Variants in BOC observed in about 807,000 individuals in gnomAD.
The protein encoded by BOC is brother of CDO.
BOC carries 76 observed loss-of-function variants against 112.0 expected under a neutral mutation model. The observed-to-expected ratio is 0.68, with a 90% CI of 0.56 to 0.82. The LOEUF (loss-of-function observed/expected upper bound fraction) is 0.82, where lower values mean the gene tolerates loss of function less well. Among genes scored for constraint, BOC ranks in the 40% least tolerant of loss-of-function variants. The pLI is 0.00. For synonymous variants in BOC, 580 were observed against 599.8 expected, an observed-to-expected ratio of 0.97 and a Z score of 0.48; for missense variants, 1,309 against 1,511.7, an observed-to-expected ratio of 0.87 and a Z score of 2.22.
chr3:113,281,587 G>A (rs1949205754), intron 15 of BOC, among the ~76,000 whole-genome samples: 1 of 152,304 alleles, frequency 6.6e-6, no homozygotes, highest in African/African-American at 2.4e-5. Context: ...GGCCAGGATT[G>A]TCTTAACTAC....
In BOC at chr3:113,273,154, C is replaced by T. The variant is rs771454767; in HGVS notation, c.1047C>T (p.Asn349=). 11 of 1,613,724 alleles carry T rather than the reference C, an allele frequency of 6.8e-6. No individual in the cohort carries two copies. The highest frequency in any genetic ancestry group is 5.3e-5 in the African/African-American group (4 of 74,946). The change falls in exon 8 of 20, where the codon AAC becomes AAT. Residue 349 remains asparagine, a synonymous_variant. Transcript: ENST00000682979. Reference sequence around the variant, plus strand: ...AGCTTACCTGTGAGGTGCGTGGGAACCCCCCGCCCTCCGTGCTGTGGCTGA... The same window carrying T: ...AGCTTACCTGTGAGGTGCGTGGGAATCCCCCGCCCTCCGTGCTGTGGCTGA... The part of the protein sequence containing the change: ...SAKLTCEVRG[N]PPPSVLWLRN...
chr3:113,269,951 G>GCCAAATGCCAC (rs1008668898), intron 5 of BOC: 10 of 152,452 alleles, frequency 6.6e-5, no homozygotes, highest in Admixed American at 5.2e-4. Context: ...CTGCCAGGAA[G>GCCAAATGCCAC]CCAAATGCCA....
At chr3:113,226,550 C>G (rs376892255) in intron 2 of BOC, among the ~76,000 whole-genome samples, 1 of 152,164 alleles carries the variant, frequency 6.6e-6, no homozygotes, top group East Asian at 1.9e-4. Flanking sequence ...AGAGGAACTG[C>G]GTGTCCAATT....
rs2107775712 is a variant in BOC, at chr3:113,286,695, CT to C, written c.3183del (p.Val1062CysfsTer14). 3.7e-6 allele frequency: 6 copies of C among 1,600,100 alleles called. No individual in the cohort carries two copies. The East Asian group carries it at 1.1e-4, about 30-fold the overall frequency. On this transcript the variant is annotated frameshift_variant, in exon 20 of 20. Transcript: ENST00000682979. LOFTEE classifies it high-confidence loss of function. ...FHSGPPCCLG[L>X]VPVEEVDSPD... ...CTCAGGGCCCCCATGCTGCTTGGGC[CT>C]TGTGCCAGTTGAAGAGGTGGACAGT...
intron 8 of BOC, 67 bp downstream of exon 8, chr3:113,273,408 C>G: frequency 6.8e-7 from 1 of 1,480,588 alleles, no homozygotes; most frequent in Non-Finnish European, 9.0e-7. Context: ...CAAATGAAAT[C>G]TAACTTGGAA....
At chr3:113,282,676 A>C (rs1004014235) in intron 15 of BOC, among the ~76,000 whole-genome samples, 1 of 151,958 alleles carries the variant, frequency 6.6e-6, no homozygotes, top group African/African-American at 2.4e-5. Context: ...ACTAGGTGAG[A>C]ATATACAGAG....
At chr3:113,234,564 G>A (rs13315100) in intron 2 of BOC, among the ~76,000 whole-genome samples, 4,089 of 152,252 alleles carry the variant, frequency 0.027, 161 homozygotes, top group African/African-American at 0.091. Flanking sequence ...GCTGATGGGG[G>A]CTAGGTCCTA....
chr3:113,286,624 G>A (rs764708636), intron 19 of BOC, 51 bp from the exon 20 acceptor site: 7 of 1,431,052 alleles, frequency 4.9e-6, no homozygotes, highest in Non-Finnish European at 5.6e-6. Context: ...ACTGGGTGTT[G>A]GCTCCTCGGT....
intron 2 of BOC, among the ~76,000 whole-genome samples, chr3:113,246,729 C>A (rs1944963374): frequency 6.6e-6 from 1 of 152,118 alleles, no homozygotes; most frequent in Non-Finnish European, 1.5e-5. Flanking sequence ...ATGAATGAGA[C>A]CCCACGCATC....
At chr3:113,214,129 AC>A (rs1170426005) in intron 1 of BOC, among the ~76,000 whole-genome samples, 1 of 152,210 alleles carries the variant, frequency 6.6e-6, no homozygotes, top group Non-Finnish European at 1.5e-5. Flanking sequence ...TTTGACTACA[AC>A]TGGAGAGGGA....
chr3:113,221,593 C>G (rs1214120055), intron 2 of BOC, among the ~76,000 whole-genome samples: 1 of 152,212 alleles, frequency 6.6e-6, no homozygotes, highest in Non-Finnish European at 1.5e-5. Context: ...TAATATTGGC[C>G]TTACCTTCAA....
intron 4 of BOC, among the ~76,000 whole-genome samples, chr3:113,260,864 T>A (rs1240534341): frequency 6.6e-6 from 1 of 152,044 alleles, no homozygotes; most frequent in Non-Finnish European, 1.5e-5. Context: ...ATCTAACTAA[T>A]GTCTATTGAT....
chr3:113,258,493 C>T (rs1050214507), intron 4 of BOC, among the ~76,000 whole-genome samples: 2 of 152,210 alleles, frequency 1.3e-5, no homozygotes, highest in Admixed American at 6.5e-5. Flanking sequence ...CTTCCGCCCC[C>T]GTCTGGTTCA....
chr3:113,262,365 T>C (rs116208757), intron 4 of BOC, among the ~76,000 whole-genome samples: 4,855 of 152,306 alleles, frequency 0.032, 263 homozygotes, highest in African/African-American at 0.11. Context: ...TCCCTGTGGT[T>C]AGGAGCTATG....
chr3:113,246,293 C>A (rs920373916), intron 2 of BOC, among the ~76,000 whole-genome samples: 1 of 151,980 alleles, frequency 6.6e-6, no homozygotes, highest in African/African-American at 2.4e-5. Flanking sequence ...TTCTTGATTT[C>A]TCTGCTTTGT....
At position 113,284,835 on chromosome 3, in the gene BOC, C is replaced by T. The variant is rs368020712; in HGVS notation, c.2943C>T (p.Asp981=). ...LRQTHLGNGY[D]PQSHQITRGP... Reference sequence around the variant, plus strand: ...AGACCCATCTTGGCAATGGATATGACCCCCAAAGTCACCAGATCACGAGGT... The same window carrying T: ...AGACCCATCTTGGCAATGGATATGATCCCCAAAGTCACCAGATCACGAGGT... The change falls in exon 18 of 20, where the codon GAC becomes GAT. Residue 981 remains aspartate (D), a synonymous_variant. Coordinates refer to ENST00000682979, the MANE Select transcript of BOC (RefSeq NM_001378074.1). The T allele has an allele frequency of 1.9e-6, 3 of 1,614,050 alleles. No homozygotes were observed. The African/African-American group carries it at 4.0e-5, about 22-fold the overall frequency.
At chr3:113,286,649 A>G (rs762747710) in intron 19 of BOC, 26 bp from the exon 20 acceptor site, 3 of 1,521,538 alleles carry the variant, frequency 2.0e-6, no homozygotes, top group East Asian at 2.4e-5. Flanking sequence ...CTGGATTTTA[A>G]TGGTTCCTAC....
chr3:113,256,394 G>A (rs1946225525), intron 4 of BOC, among the ~76,000 whole-genome samples: 2 of 152,288 alleles, frequency 1.3e-5, no homozygotes, highest in East Asian at 1.9e-4. Flanking sequence ...GAGCAGCCAC[G>A]GTGTCATGGT....
At chr3:113,266,007 C>T (rs1011897560) in intron 4 of BOC, among the ~76,000 whole-genome samples, 2 of 152,240 alleles carry the variant, frequency 1.3e-5, no homozygotes, top group South Asian at 2.1e-4. Flanking sequence ...AGGAATTTAT[C>T]GTTTAGTTAG....
Sources: allele counts gnomAD v4.1 joint callset (sites outside exome capture counted in the v4.1 genomes callset), GRCh38; gene constraint gnomAD v4.1.1; transcripts MANE v1.5; gene names NCBI Gene and HGNC (gene_info 2026-07-23, HGNC 2026-07-21).